The following SCAF4 variants were observed in gnomAD, a reference collection of about 807,000 sequenced individuals.
The protein encoded by SCAF4 is SR-related and CTD-associated factor 4.
SCAF4 carries 25 observed loss-of-function variants against 129.8 expected under a neutral mutation model. That is an observed-to-expected ratio of 0.19 (90% CI 0.14 to 0.27). SCAF4 has a LOEUF of 0.27. Among genes scored for constraint, SCAF4 ranks in the 10% least tolerant of loss-of-function variants. The pLI, the probability that SCAF4 is intolerant of heterozygous loss-of-function variation, is 1.00. For missense variants in SCAF4, 1,246 were observed against 1,457.1 expected, an observed-to-expected ratio of 0.86 and a Z score of 2.36; for synonymous variants, 551 against 497.7, an observed-to-expected ratio of 1.11 and a Z score of -1.43.
chr21:31,715,299 T>C (rs1469188242), intron 1 of SCAF4, among the ~76,000 whole-genome samples: 1 of 152,086 alleles, frequency 6.6e-6, no homozygotes, highest in Non-Finnish European at 1.5e-5. Flanking sequence ...CCTACCTCTC[T>C]AGTATAAGGA....
Position 31,703,606 on chromosome 21 carries a change from C to T in SCAF4, c.321+159G>A, listed in dbSNP as rs973150814. On this transcript the variant is annotated intron_variant, in intron 4 of 19. Transcript: ENST00000286835. ...TGAAGAACTCATAAGAAAATAAACA[C>T]GAAATGACCACTGAAGAAAAAAACT... Among the ~76,000 whole-genome samples the T allele has an allele frequency of 5.9e-5, 9 of 151,986 alleles. No individual in the cohort carries two copies. The South Asian group carries it at 6.2e-4, about 11-fold the overall frequency.
chr21:31,716,407 G>C (rs2050920586), intron 1 of SCAF4, among the ~76,000 whole-genome samples: 1 of 152,038 alleles, frequency 6.6e-6, no homozygotes, highest in Non-Finnish European at 1.5e-5. Context: ...TGACAGGCTA[G>C]TATTCAAATC....
At chr21:31,680,387 T>G (rs1193678468) in intron 19 of SCAF4, among the ~76,000 whole-genome samples, 1 of 152,268 alleles carries the variant, frequency 6.6e-6, no homozygotes, top group Non-Finnish European at 1.5e-5. Flanking sequence ...CAAGGTTATA[T>G]ACTAAGTTGA....
chr21:31,682,278 C>T (rs924336118), intron 19 of SCAF4, among the ~76,000 whole-genome samples: 2 of 151,840 alleles, frequency 1.3e-5, no homozygotes. Context: ...ACTTGGAAGG[C>T]TGAGGCACGA....
At chr21:31,721,250 T>C (rs1419595845) in intron 1 of SCAF4, among the ~76,000 whole-genome samples, 1 of 152,206 alleles carries the variant, frequency 6.6e-6, no homozygotes, top group East Asian at 1.9e-4. Context: ...GTAAAAGACC[T>C]TCATAAAGAT....
chr21:31,708,231 T>C (rs1479844721), intron 1 of SCAF4, among the ~76,000 whole-genome samples: 1 of 151,506 alleles, frequency 6.6e-6, no homozygotes, highest in Non-Finnish European at 1.5e-5. Context: ...CTACTATAAA[T>C]ACAAAATGGT....
intron 14 of SCAF4, 53 bp from the exon 15 acceptor site, chr21:31,691,006 C>A: frequency 1.4e-6 from 2 of 1,480,436 alleles, no homozygotes; most frequent in Non-Finnish European, 1.8e-6. Context: ...GGTCGTAAGT[C>A]TTGAGGGTAT....
At position 31,693,348 on chromosome 21, in the gene SCAF4, CT is replaced by C; in HGVS notation, c.1458del (p.Glu487ArgfsTer12). The part of the protein sequence containing the change: ...SRSQERRDRE[K>X]ERERRQKGLP... Reference sequence around the variant, plus strand: ...AGGCCTTTTTGTCGACGTTCTCTCTCTTTTTCTCGATCCCGTCTTTCTTGAG... The same window carrying C: ...AGGCCTTTTTGTCGACGTTCTCTCTCTTTTCTCGATCCCGTCTTTCTTGAG... On this transcript the variant is annotated frameshift_variant, in exon 12 of 20. Coordinates refer to ENST00000286835, the MANE Select transcript of SCAF4 (RefSeq NM_020706.2). LOFTEE classifies it high-confidence loss of function. 1.3e-6 allele frequency: 2 copies of C among 1,547,162 alleles called. No individual in the cohort carries two copies. The highest frequency in any genetic ancestry group is 1.8e-6 in the Non-Finnish European group (2 of 1,133,570).
At chr21:31,730,190 C>A (rs1005918388) in intron 1 of SCAF4, among the ~76,000 whole-genome samples, 5 of 152,196 alleles carry the variant, frequency 3.3e-5, no homozygotes, top group Admixed American at 6.5e-5. Flanking sequence ...CCTCATGGAG[C>A]CAGGAGCCAA....
At chr21:31,680,506 A>C (rs2049971131) in intron 19 of SCAF4, among the ~76,000 whole-genome samples, 1 of 152,242 alleles carries the variant, frequency 6.6e-6, no homozygotes, top group East Asian at 1.9e-4. Flanking sequence ...CTTTCAAAGA[A>C]GAACACTTTT....
chr21:31,671,788 G>T lies in SCAF4; in HGVS notation c.3055C>A (p.Arg1019Ser). 6.2e-7 allele frequency: 1 copy of T among 1,613,942 alleles called. No individual in the cohort carries two copies. Among genetic ancestry groups the T allele is most frequent in the Non-Finnish European group, 8.5e-7 (1 of 1,179,898 alleles). ...TTACTATTATCTCTATCATCATTAC[G>T]GTTCCCATACCGTTCCCGGTCATTT... The part of the protein sequence containing the change: ...VENDRERYGN[R>S]NDDRDNSNRD... Residue 1019 changes from arginine to serine, a missense_variant, in exon 20 of 20, where the codon CGT becomes AGT. By Grantham distance (110) the Arg-to-Ser change is moderately radical (BLOSUM62 -1). Coordinates refer to ENST00000286835, the MANE Select transcript of SCAF4 (RefSeq NM_020706.2).
chr21:31,701,955 G>T (rs2050543774), intron 5 of SCAF4, 37 bp from the exon 6 acceptor site: 1 of 1,598,940 alleles, frequency 6.3e-7, no homozygotes, highest in Non-Finnish European at 8.5e-7. Flanking sequence ...TAAAAAAAAA[G>T]TTAACCTACA....
Position 31,711,875 on chromosome 21 carries a change from G to A in SCAF4, c.31-5518C>T, listed in dbSNP as rs912502051. ...AGTGATGTGCCTACCCAAGCAACAA[G>A]TTAGAGGCGATATAAATTACTAAAA... On this transcript the variant is annotated intron_variant, in intron 1 of 19. Coordinates refer to ENST00000286835, the MANE Select transcript of SCAF4 (RefSeq NM_020706.2). 9.2e-5 allele frequency among the ~76,000 whole-genome samples: 14 copies of A among 152,078 alleles called. 1 individual carries two copies. The highest frequency in any genetic ancestry group is 3.3e-4 in the Admixed American group (5 of 15,286).
chr21:31,671,745 C>A lies in SCAF4; in HGVS notation c.3098G>T (p.Trp1033Leu), dbSNP rs769168666. The change falls in exon 20 of 20, where the codon TGG (tryptophan) becomes TTG (leucine). Residue 1033 changes from tryptophan to leucine, a missense_variant. By Grantham distance (61) the Trp-to-Leu change is moderately conservative. Coordinates refer to ENST00000286835, the MANE Select transcript of SCAF4 (RefSeq NM_020706.2). ...GTCCCGGTCAGGGCTCCTCCTTCCCCACTCTCTCCTGTCACGGTTACTATT... is the reference window on the plus strand; with the variant it reads ...GTCCCGGTCAGGGCTCCTCCTTCCCAACTCTCTCCTGTCACGGTTACTATT... ...RDNSNRDRREWGRRSPDRDRH... is the reference protein window; with the variant it reads ...RDNSNRDRRELGRRSPDRDRH... 1 of 1,614,194 alleles carries A rather than the reference C, an allele frequency of 6.2e-7. No homozygotes were observed. The highest frequency in any genetic ancestry group is 1.7e-5 in the Admixed American group (1 of 60,034).
intron 14 of SCAF4, among the ~76,000 whole-genome samples, chr21:31,691,364 G>A (rs2123528414): frequency 6.6e-6 from 1 of 152,270 alleles, no homozygotes; most frequent in South Asian, 2.1e-4. Flanking sequence ...GTAGAATGGG[G>A]TGTTAAGACA....
chr21:31,720,927 G>A (rs2051051584), intron 1 of SCAF4, among the ~76,000 whole-genome samples: 1 of 152,134 alleles, frequency 6.6e-6, no homozygotes, highest in South Asian at 2.1e-4. Flanking sequence ...ATCAGATAAG[G>A]CAAGTAAACA....
At chr21:31,672,562 T>A (rs1429821089) in intron 19 of SCAF4, among the ~76,000 whole-genome samples, 1 of 152,070 alleles carries the variant, frequency 6.6e-6, no homozygotes, top group African/African-American at 2.4e-5. Context: ...CTAATACAGG[T>A]AGAGGCCAGA....
At chr21:31,687,618 T>C (rs1328598908) in intron 16 of SCAF4, among the ~76,000 whole-genome samples, 1 of 152,146 alleles carries the variant, frequency 6.6e-6, no homozygotes, top group Non-Finnish European at 1.5e-5. Context: ...TTCATAAGGA[T>C]AGCATCCAAG....
intron 16 of SCAF4, among the ~76,000 whole-genome samples, chr21:31,687,884 G>C (rs986557946): frequency 6.6e-6 from 1 of 152,042 alleles, no homozygotes; most frequent in African/African-American, 2.4e-5. Flanking sequence ...AAGGCAGGCA[G>C]ATCACTTGAG....
Sources: allele counts gnomAD v4.1 joint callset (sites outside exome capture counted in the v4.1 genomes callset), GRCh38; gene constraint gnomAD v4.1.1; transcripts MANE v1.5; gene names NCBI Gene and HGNC (gene_info 2026-07-23, HGNC 2026-07-21).